SLC35F1: variants seen among roughly 807,000 people sequenced by gnomAD.
SLC35F1 encodes the protein solute carrier family 35 member F1, also known as chromosome 6 open reading frame 169.
A neutral mutation model predicts 48.7 loss-of-function variants in SLC35F1; 14 were observed. That is an observed-to-expected ratio of 0.29 (90% CI 0.19 to 0.45). The LOEUF (loss-of-function observed/expected upper bound fraction) is 0.45. Ranked by LOEUF, SLC35F1 falls within the 20% of genes least tolerant of loss-of-function variation. The pLI is 1.00. For synonymous variants in SLC35F1, 190 were observed against 202.2 expected (o/e 0.94, Z 0.51); for missense variants, 404 against 500.0 (o/e 0.81, Z 1.83).
intron 3 of SLC35F1, among the ~76,000 whole-genome samples, chr6:118,239,306 C>T (rs771958075): frequency 5.3e-5 from 8 of 150,374 alleles, no homozygotes; most frequent in Non-Finnish European, 7.4e-5. Context: ...TTTTGGTGCA[C>T]AGGAGCTCCC....
In SLC35F1 at chr6:118,061,569, C is replaced by T. The variant is rs940537455; in HGVS notation, c.174-92876C>T. 1.5e-4 allele frequency among the ~76,000 whole-genome samples: 18 copies of T among 120,544 alleles called. No homozygotes were observed. The East Asian group carries it at 2.6e-3, about 17-fold the overall frequency. 79.1% of individuals were successfully genotyped at this position (120,544 alleles called of 152,430 possible). A position where few individuals can be genotyped will look rare whatever the true frequency, so the allele number is the denominator to read the frequency against. Reference sequence around the variant, plus strand: ...CATATTTTATGTGTATATATATATACATTTGTGTGTGTGTGTGTGTGTATA... The same window carrying T: ...CATATTTTATGTGTATATATATATATATTTGTGTGTGTGTGTGTGTGTATA... On this transcript the variant is annotated intron_variant, in intron 1 of 7. Transcript: ENST00000360388.
At chr6:118,175,375 A>T (rs2114501783) in intron 2 of SLC35F1, among the ~76,000 whole-genome samples, 1 of 152,252 alleles carries the variant, frequency 6.6e-6, no homozygotes, top group African/African-American at 2.4e-5. Context: ...CACTGGCAAT[A>T]AAAATAAGAA....
intron 1 of SLC35F1, among the ~76,000 whole-genome samples, chr6:118,125,372 A>AT (rs1265804192): frequency 1.2e-5 from 1 of 85,534 alleles, no homozygotes. Flanking sequence ...CATTTATGGT[A>AT]TTTTGGGGGG....
At chr6:117,995,661 A>C (rs1235645697) in intron 1 of SLC35F1, among the ~76,000 whole-genome samples, 1 of 152,094 alleles carries the variant, frequency 6.6e-6, no homozygotes, top group Non-Finnish European at 1.5e-5. Flanking sequence ...GAATTGCTTG[A>C]ACCCGGGAGC....
chr6:118,070,068 G>A (rs1385844107), intron 1 of SLC35F1, among the ~76,000 whole-genome samples: 11 of 148,124 alleles, frequency 7.4e-5, no homozygotes, highest in Admixed American at 4.8e-4. Context: ...CCCGGGAAGC[G>A]GAGCTTGCAG....
chr6:118,004,067 ATTAT>A (rs1311060984), intron 1 of SLC35F1, among the ~76,000 whole-genome samples: 3 of 152,224 alleles, frequency 2.0e-5, no homozygotes, highest in African/African-American at 7.2e-5. Flanking sequence ...AGATATTGTT[ATTAT>A]TTATCAGTCT....
chr6:118,097,077 C>T (rs1773187623), intron 1 of SLC35F1, among the ~76,000 whole-genome samples: 1 of 152,094 alleles, frequency 6.6e-6, no homozygotes, highest in African/African-American at 2.4e-5. Flanking sequence ...TTTCCCTTTT[C>T]AGCTCAAGTG....
chr6:117,973,228 C>T (rs763596425), intron 1 of SLC35F1, among the ~76,000 whole-genome samples: 7 of 152,112 alleles, frequency 4.6e-5, no homozygotes, highest in Non-Finnish European at 1.0e-4. Flanking sequence ...TAGTCTCTCT[C>T]TTCTTATAAA....
In SLC35F1 at chr6:118,050,014, A is replaced by G. The variant is rs202216280; in HGVS notation, c.174-104431A>G. ...GATTAAGAAAATGTGGCACATATACACCATGGAATACTATGCAGCCATAAA... is the reference window on the plus strand; with the variant it reads ...GATTAAGAAAATGTGGCACATATACGCCATGGAATACTATGCAGCCATAAA... On this transcript the variant is annotated intron_variant, in intron 1 of 7. Transcript: ENST00000360388. 6.6e-5 allele frequency among the ~76,000 whole-genome samples: 10 copies of G among 152,324 alleles called. No homozygotes were observed. The East Asian group carries it at 1.5e-3, about 24-fold the overall frequency.
At chr6:118,097,159 A>G (rs1773188781) in intron 1 of SLC35F1, among the ~76,000 whole-genome samples, 1 of 152,036 alleles carries the variant, frequency 6.6e-6, no homozygotes, top group Admixed American at 6.6e-5. Context: ...GCCCCAGGAT[A>G]AGGCCACATT....
chr6:118,072,477 T>C (rs1772748389), intron 1 of SLC35F1, among the ~76,000 whole-genome samples: 1 of 151,988 alleles, frequency 6.6e-6, no homozygotes, highest in Non-Finnish European at 1.5e-5. Context: ...AGCAGGAGAA[T>C]GGCGTGAACC....
In SLC35F1 at chr6:118,255,271, C is replaced by A. The variant is rs115305187; in HGVS notation, c.478-11724C>A. ...TATCTTTAGAACTCCATTTCCTCAT[C>A]TGTAAAATGGGAAAAATAAGAACAT... is the stretch of plus-strand genomic sequence containing the variant. On this transcript the variant is annotated intron_variant, in intron 3 of 7. Transcript: ENST00000360388. Among the ~76,000 whole-genome samples, 446 of 152,300 alleles carry A rather than the reference C, an allele frequency of 2.9e-3. 4 individuals carry two copies. Among genetic ancestry groups the A allele is most frequent in the African/African-American group, 0.01 (417 of 41,570 alleles).
intron 1 of SLC35F1, among the ~76,000 whole-genome samples, chr6:118,022,251 A>G (rs914088615): frequency 6.6e-6 from 1 of 152,204 alleles, no homozygotes; most frequent in African/African-American, 2.4e-5. Context: ...TAGACTGGAA[A>G]CCTGAGGACT....
intron 2 of SLC35F1, among the ~76,000 whole-genome samples, chr6:118,200,159 T>TATAC (rs71012386): frequency 0.14 from 21,003 of 147,226 alleles, 1,610 homozygotes; most frequent in Middle Eastern, 0.19. Flanking sequence ...TACATACATA[T>TATAC]ATACATACAT....
intron 1 of SLC35F1, among the ~76,000 whole-genome samples, chr6:117,971,683 C>G (rs1776640591): frequency 6.6e-6 from 1 of 152,256 alleles, no homozygotes; most frequent in Admixed American, 6.5e-5. Flanking sequence ...AGGCCCAATG[C>G]CACATGTAAA....
At chr6:118,156,728 G>T (rs544408564) in intron 2 of SLC35F1, among the ~76,000 whole-genome samples, 1 of 148,278 alleles carries the variant, frequency 6.7e-6, no homozygotes, top group South Asian at 2.2e-4. Context: ...GTCCAGTAAG[G>T]CAGGACAACT....
intron 1 of SLC35F1, among the ~76,000 whole-genome samples, chr6:117,969,136 G>C (rs1562251310): frequency 6.6e-6 from 1 of 152,194 alleles, no homozygotes; most frequent in Non-Finnish European, 1.5e-5. Flanking sequence ...AACTGAGAGA[G>C]ATGGTCCTTT....
At chr6:117,919,832 A>T (rs1479011493) in intron 1 of SLC35F1, among the ~76,000 whole-genome samples, 1 of 152,162 alleles carries the variant, frequency 6.6e-6, no homozygotes, top group Non-Finnish European at 1.5e-5. Context: ...TCTGCTGTCT[A>T]ATTGTGCCTC....
At chr6:118,063,068 A>C (rs1460469531) in intron 1 of SLC35F1, among the ~76,000 whole-genome samples, 3 of 152,160 alleles carry the variant, frequency 2.0e-5, no homozygotes, top group Non-Finnish European at 4.4e-5. Context: ...GGTCACAAGA[A>C]GACTAGAAAG....
Sources: gnomAD v4.1 joint callset for allele counts (sites outside exome capture counted in the v4.1 genomes callset) on GRCh38, gnomAD v4.1.1 for gene constraint, MANE v1.5 for transcripts, NCBI Gene and HGNC (gene_info 2026-07-23, HGNC 2026-07-21) for gene names.